KCNIP4: variants seen among roughly 807,000 people sequenced by gnomAD.
KCNIP4 encodes the protein Kv channel-interacting protein 4.
In KCNIP4, 12 loss-of-function variants were observed where a neutral mutation model predicts 34.0. That is an observed-to-expected ratio of 0.35 (90% confidence interval 0.23 to 0.57). The LOEUF (loss-of-function observed/expected upper bound fraction) is 0.57. KCNIP4 is among the 20% of genes least tolerant of loss of function. KCNIP4 has a pLI of 0.83. For synonymous variants in KCNIP4, 124 were observed against 102.2 expected, an observed-to-expected ratio of 1.21 and a Z score of -1.29; for missense variants, 238 against 311.7, an observed-to-expected ratio of 0.76 and a Z score of 1.78.
intron 1 of KCNIP4, among the ~76,000 whole-genome samples, chr4:21,669,283 G>A (rs1186049730): frequency 1.2e-4 from 18 of 152,084 alleles, no homozygotes; most frequent in Admixed American, 1.1e-3. Context: ...TGCCAACGTA[G>A]AGACAGAGTC....
In KCNIP4 at chr4:21,693,065, CA is replaced by C. The variant is rs560292325; in HGVS notation, c.61+255505del. 1.1e-4 allele frequency among the ~76,000 whole-genome samples: 17 copies of C among 152,132 alleles called. No homozygotes were observed. The East Asian group carries it at 3.3e-3, about 29-fold the overall frequency. ...AAATGGAAGGGCACACAGCCAGAAA[CA>C]AACTTTGTTCAAGTCTCCGATTTTG... On this transcript the variant is annotated intron_variant, in intron 1 of 8. Transcript: ENST00000382152.
rs548572427 is a variant in KCNIP4, at chr4:21,235,347, C to T, written c.62-352638G>A. On this transcript the variant is annotated intron_variant, in intron 1 of 8. Coordinates refer to ENST00000382152, the MANE Select transcript of KCNIP4 (RefSeq NM_025221.6). ...AGAACTGGCTCCTGGCTCTCTCTCT[C>T]TACCTCAGTTCCTCCACTCTTATGC... Among the ~76,000 whole-genome samples the T allele has an allele frequency of 1.1e-4, 17 of 152,300 alleles. No individual in the cohort carries two copies. The South Asian group carries it at 2.9e-3, about 26-fold the overall frequency.
chr4:21,296,462 A>T (rs147552873), intron 1 of KCNIP4, among the ~76,000 whole-genome samples: 1 of 151,648 alleles, frequency 6.6e-6, no homozygotes, highest in East Asian at 2.0e-4. Context: ...CAAAAGACAA[A>T]TAACTTATTA....
chr4:21,091,303 A>C (rs902402634), intron 1 of KCNIP4, among the ~76,000 whole-genome samples: 8 of 152,216 alleles, frequency 5.3e-5, no homozygotes, highest in Non-Finnish European at 1.0e-4. Context: ...ACCATTAACA[A>C]GTAAATTCTG....
chr4:21,515,875 C>T (rs1734716452), intron 1 of KCNIP4, among the ~76,000 whole-genome samples: 1 of 152,174 alleles, frequency 6.6e-6, no homozygotes, highest in Admixed American at 6.5e-5. Flanking sequence ...GACTTCCAGA[C>T]TTCCAGAAGC....
intron 1 of KCNIP4, among the ~76,000 whole-genome samples, chr4:21,190,979 C>T (rs1182735357): frequency 6.6e-6 from 1 of 152,140 alleles, no homozygotes; most frequent in African/African-American, 2.4e-5. Context: ...CAAAGAAAGG[C>T]AAATCTTGGT....
chr4:20,876,297 C>T (rs1724019614), intron 2 of KCNIP4, among the ~76,000 whole-genome samples: 1 of 151,882 alleles, frequency 6.6e-6, no homozygotes, highest in African/African-American at 2.4e-5. Context: ...AAAATGACTA[C>T]TTTATTCTTT....
chr4:21,025,714 C>T (rs1219627112), intron 1 of KCNIP4, among the ~76,000 whole-genome samples: 7 of 151,538 alleles, frequency 4.6e-5, no homozygotes, highest in Non-Finnish European at 7.4e-5. Flanking sequence ...CCACCACGCC[C>T]GGCTAATTTT....
intron 1 of KCNIP4, among the ~76,000 whole-genome samples, chr4:21,537,584 G>A (rs1737298964): frequency 6.6e-6 from 1 of 152,132 alleles, no homozygotes; most frequent in South Asian, 2.1e-4. Context: ...AAAATTTCGT[G>A]TCTACTTGGA....
chr4:21,612,072 G>A (rs1337150810), intron 1 of KCNIP4, among the ~76,000 whole-genome samples: 1 of 152,242 alleles, frequency 6.6e-6, no homozygotes, highest in South Asian at 2.1e-4. Context: ...CAAAGTGTGG[G>A]ATATACGCCT....
intron 1 of KCNIP4, among the ~76,000 whole-genome samples, chr4:21,742,544 C>T (rs1187141308): frequency 6.6e-6 from 1 of 152,176 alleles, no homozygotes; most frequent in Non-Finnish European, 1.5e-5. Flanking sequence ...TATGAATCAG[C>T]ATTTCAAGTT....
chr4:20,979,755 T>C (rs1417807139), intron 1 of KCNIP4, among the ~76,000 whole-genome samples: 3 of 151,864 alleles, frequency 2.0e-5, no homozygotes, highest in Non-Finnish European at 2.9e-5. Flanking sequence ...TTGACCTACC[T>C]AAAACATGGA....
intron 1 of KCNIP4, among the ~76,000 whole-genome samples, chr4:21,484,286 G>T (rs1197899523): frequency 5.9e-5 from 9 of 151,990 alleles, no homozygotes; most frequent in Admixed American, 2.6e-4. Context: ...AATTAGCCAG[G>T]TGTGGTGGCA....
At chr4:20,960,967 T>C (rs1163248479) in intron 1 of KCNIP4, among the ~76,000 whole-genome samples, 2 of 152,152 alleles carry the variant, frequency 1.3e-5, no homozygotes, top group Non-Finnish European at 2.9e-5. Context: ...GTTTCGAAAA[T>C]GCATTTTGCA....
intron 1 of KCNIP4, among the ~76,000 whole-genome samples, chr4:20,991,490 C>T (rs950259290): frequency 6.6e-6 from 1 of 152,032 alleles, no homozygotes; most frequent in Non-Finnish European, 1.5e-5. Flanking sequence ...TTACTCCAGG[C>T]ACTGAGAAAT....
intron 1 of KCNIP4, among the ~76,000 whole-genome samples, chr4:21,589,035 G>A (rs1235971135): frequency 6.7e-6 from 1 of 150,300 alleles, no homozygotes; most frequent in Non-Finnish European, 1.5e-5. Context: ...AAATCATATG[G>A]AAATGGAAAT....
intron 1 of KCNIP4, among the ~76,000 whole-genome samples, chr4:21,086,453 T>C (rs968514185): frequency 6.6e-6 from 1 of 152,200 alleles, no homozygotes; most frequent in Non-Finnish European, 1.5e-5. Flanking sequence ...AAATTTAAAA[T>C]GTAATTGCTC....
chr4:21,547,530 G>A (rs983489138), intron 1 of KCNIP4, among the ~76,000 whole-genome samples: 1 of 151,958 alleles, frequency 6.6e-6, no homozygotes, highest in Admixed American at 6.6e-5. Flanking sequence ...TGTGTAGCTG[G>A]AAGCATTATC....
chr4:20,843,788 C>T (rs1325393300), intron 3 of KCNIP4, among the ~76,000 whole-genome samples: 1 of 152,298 alleles, frequency 6.6e-6, no homozygotes, highest in African/African-American at 2.4e-5. Flanking sequence ...CAAGAAGCAT[C>T]TAAATGCCAC....
Sources: gnomAD v4.1 joint callset for allele counts (sites outside exome capture counted in the v4.1 genomes callset) on GRCh38, gnomAD v4.1.1 for gene constraint, MANE v1.5 for transcripts, NCBI Gene and HGNC (gene_info 2026-07-23, HGNC 2026-07-21) for gene names.